The following ATP2A2 variants were observed in gnomAD, a reference collection of about 807,000 sequenced individuals.
ATP2A2 encodes sarcoplasmic/endoplasmic reticulum calcium ATPase 2.
ATP2A2 carries 14 observed loss-of-function variants against 109.3 expected under a neutral mutation model. That is an observed-to-expected ratio of 0.13 (90% confidence interval 0.08 to 0.20). The LOEUF (loss-of-function observed/expected upper bound fraction) is 0.20. Among genes scored for constraint, ATP2A2 ranks in the 10% least tolerant of loss-of-function variants. ATP2A2 has a pLI of 1.00. For synonymous variants in ATP2A2, 506 were observed against 490.9 expected (o/e 1.03, Z -0.41); for missense variants, 657 against 1,321.6 (o/e 0.50, Z 7.80).
At chr12:110,291,169 A>G (rs1024875464) in intron 3 of ATP2A2, among the ~76,000 whole-genome samples, 1 of 149,980 alleles carries the variant, frequency 6.7e-6, no homozygotes, top group African/African-American at 2.5e-5. Context: ...TGGCCTCCCA[A>G]AGTGCTGGAA....
At chr12:110,330,729 C>T (rs1878252985) in intron 8 of ATP2A2, 1 of 152,142 alleles carries the variant, frequency 6.6e-6, no homozygotes, top group Non-Finnish European at 1.5e-5. Flanking sequence ...TGAAGCTCTA[C>T]CTCACAACAG....
Position 110,347,874 on chromosome 12 carries a change from A to C in ATP2A2, c.*1404A>C. 1 of 1,001,784 alleles carries C rather than the reference A, an allele frequency of 1.0e-6. No individual in the cohort carries two copies. Among genetic ancestry groups the C allele is most frequent in the Non-Finnish European group, 1.2e-6 (1 of 839,902 alleles). 62.1% of individuals were successfully genotyped at this position (1,001,784 alleles called of 1,614,324 possible). The stretch of plus-strand genomic sequence containing the variant: ...TGAGATAACTGTATGTCACTAACTT[A>C]TAAGCCGCCTCCATGGCAGATGCTG... On this transcript the variant is annotated 3_prime_UTR_variant, in exon 20 of 20. Coordinates refer to ENST00000539276, the MANE Select transcript of ATP2A2 (RefSeq NM_170665.4).
chr12:110,334,503 A>G (rs759021079), intron 11 of ATP2A2, among the ~76,000 whole-genome samples: 67 of 151,924 alleles, frequency 4.4e-4, no homozygotes, highest in Non-Finnish European at 7.8e-4. Flanking sequence ...GGGGGAAATA[A>G]TAGTGTCTTT....
At chr12:110,313,395 C>T (rs1876313901) in intron 5 of ATP2A2, among the ~76,000 whole-genome samples, 1 of 145,188 alleles carries the variant, frequency 6.9e-6, no homozygotes, top group Admixed American at 7.3e-5. Flanking sequence ...TCACTGCAAG[C>T]TCCGCCTCCT....
chr12:110,312,133 C>T (rs1255451871), intron 5 of ATP2A2, among the ~76,000 whole-genome samples: 1 of 152,026 alleles, frequency 6.6e-6, no homozygotes, highest in Non-Finnish European at 1.5e-5. Flanking sequence ...GAGCTCAGAT[C>T]GTGCCAGTAT....
chr12:110,282,673 G>T, intron 2 of ATP2A2, 40 bp from the exon 3 acceptor site: 2 of 1,613,598 alleles, frequency 1.2e-6, no homozygotes, highest in Non-Finnish European at 1.7e-6. Context: ...TGTGCTGATG[G>T]TAAGATGACA....
intron 18 of ATP2A2, 136 bp downstream of exon 18, chr12:110,345,518 A>G (rs906226128): frequency 1.7e-5 from 23 of 1,340,606 alleles, no homozygotes; most frequent in Admixed American, 1.7e-4. Flanking sequence ...AGGCAATACC[A>G]GTTTTAAAAG....
Position 110,350,607 on chromosome 12 carries a change from A to C in ATP2A2, c.*4137A>C. The C allele has an allele frequency of 2.1e-6, 1 of 487,352 alleles. No individual in the cohort carries two copies. 30.2% of individuals were successfully genotyped at this position (487,352 alleles called of 1,614,324 possible). On this transcript the variant is annotated 3_prime_UTR_variant, in exon 20 of 20. Coordinates refer to ENST00000539276, the MANE Select transcript of ATP2A2 (RefSeq NM_170665.4). Reference sequence around the variant, plus strand: ...CTGTAACCTTATCTAAGAACTTGGAAGCCGTCAGCCAAGTCGCCACATTTC... The same window carrying C: ...CTGTAACCTTATCTAAGAACTTGGACGCCGTCAGCCAAGTCGCCACATTTC...
At chr12:110,285,769 C>T (rs898972060) in intron 3 of ATP2A2, among the ~76,000 whole-genome samples, 7 of 152,104 alleles carry the variant, frequency 4.6e-5, no homozygotes, top group East Asian at 1.9e-4. Context: ...TACCTTCCAC[C>T]GTCGTTTCCC....
chr12:110,349,634 C>A lies in ATP2A2; in HGVS notation c.*3164C>A. On this transcript the variant is annotated 3_prime_UTR_variant, in exon 20 of 20. Coordinates refer to ENST00000539276, the MANE Select transcript of ATP2A2 (RefSeq NM_170665.4). ...TCAGCCCTGACTGAGGTGGGCAGAC[C>A]TAAGACCTGAGACCACAAGATTAGC... The A allele has an allele frequency of 1.0e-6, 1 of 987,276 alleles. No individual in the cohort carries two copies. Among genetic ancestry groups the A allele is most frequent in the South Asian group, 4.7e-5 (1 of 21,418 alleles). The allele number at this position is 987,276 out of a possible 1,614,324, so 61.2% of individuals were successfully genotyped here.
Position 110,340,589 on chromosome 12 carries a change from G to T in ATP2A2, c.1762-70G>T. On this transcript the variant is annotated intron_variant, in intron 13 of 19. Transcript: ENST00000539276. This position sits in a 1 kb window ranked among gnomAD's most constrained non-coding sequence, Gnocchi z 6.0. ...AGAAACCTGTCTCAATGTTTAACTG[G>T]GCATTTTTCAAACTAGGGGACAAAA... The T allele has an allele frequency of 6.6e-7, 1 of 1,503,834 alleles. No individual in the cohort carries two copies. The highest frequency in any genetic ancestry group is 9.2e-7 in the Non-Finnish European group (1 of 1,087,148). 93.2% of individuals were successfully genotyped at this position (1,503,834 alleles called of 1,614,324 possible).
chr12:110,326,417 C>G lies in ATP2A2; in HGVS notation c.572C>G (p.Thr191Ser). Residue 191 changes from threonine (T) to serine (S), a missense_variant, in exon 7 of 20, where the codon ACT becomes AGT. Around this residue, in one of 9 missense-constraint regions of ATP2A2, gnomAD observed 136 missense variants for 343.9 expected, o/e 0.40. Transcript: ENST00000539276. ...GAATCTGTCTCTGTCATCAAGCACACTGATCCCGTCCCTGACCCACGAGCT... is the reference window on the plus strand; with the variant it reads ...GAATCTGTCTCTGTCATCAAGCACAGTGATCCCGTCCCTGACCCACGAGCT... ...TGESVSVIKH[T>S]DPVPDPRAVN... 2.5e-6 allele frequency: 4 copies of G among 1,614,116 alleles called. No individual in the cohort carries two copies. Among genetic ancestry groups the G allele is most frequent in the Non-Finnish European group, 3.4e-6 (4 of 1,180,000 alleles).
At chr12:110,345,504 G>A (rs1879761540) in intron 18 of ATP2A2, 122 bp downstream of exon 18, 1 of 1,445,936 alleles carries the variant, frequency 6.9e-7, no homozygotes, top group Non-Finnish European at 9.6e-7. Flanking sequence ...AAAGAAAGGA[G>A]AACAGGCAAT....
intron 5 of ATP2A2, among the ~76,000 whole-genome samples, chr12:110,309,401 G>A (rs962258814): frequency 6.6e-5 from 10 of 151,052 alleles, no homozygotes; most frequent in Non-Finnish European, 7.4e-5. Flanking sequence ...CAAGTGATCC[G>A]CCCGCCTCAG....
Position 110,350,009 on chromosome 12 carries a change from GCAA to G in ATP2A2, c.*3541_*3543del. 1 of 1,355,408 alleles carries G rather than the reference GCAA, an allele frequency of 7.4e-7. No individual in the cohort carries two copies. Among genetic ancestry groups the G allele is most frequent in the Non-Finnish European group, 9.5e-7 (1 of 1,051,602 alleles). 84.0% of individuals were successfully genotyped at this position (1,355,408 alleles called of 1,614,324 possible). On this transcript the variant is annotated 3_prime_UTR_variant, in exon 20 of 20. Coordinates refer to ENST00000539276, the MANE Select transcript of ATP2A2 (RefSeq NM_170665.4). ...TGCCTGTCTCGCTGCTTTCACAGCT[GCAA>G]CGATTGTGTCTGCCTCATGGGGTTT...
intron 5 of ATP2A2, among the ~76,000 whole-genome samples, chr12:110,302,605 T>TTATTATTAC (rs1555278512): frequency 2.0e-5 from 3 of 150,468 alleles, no homozygotes; most frequent in Non-Finnish European, 4.4e-5. Flanking sequence ...ATTATTATTA[T>TTATTATTAC]TATTACTATT....
intron 6 of ATP2A2, 79 bp from the exon 7 acceptor site, chr12:110,326,311 G>C: frequency 4.7e-6 from 6 of 1,282,510 alleles, no homozygotes; most frequent in Non-Finnish European, 6.7e-6. Context: ...GAGTGGTAAT[G>C]GGTGGGCATG....
At chr12:110,331,884 G>A (rs192331661) in intron 8 of ATP2A2, 2 of 152,178 alleles carry the variant, frequency 1.3e-5, no homozygotes, top group Admixed American at 1.3e-4. Flanking sequence ...TCAAGCAGTG[G>A]AAAAATTATC....
chr12:110,342,116 G>A lies in ATP2A2; in HGVS notation c.2098-112G>A. 1 of 1,210,454 alleles carries A rather than the reference G, an allele frequency of 8.3e-7. No homozygotes were observed. The highest frequency in any genetic ancestry group is 1.2e-5 in the South Asian group (1 of 81,284). 75.0% of individuals were successfully genotyped at this position (1,210,454 alleles called of 1,614,324 possible). A position where few individuals can be genotyped will look rare whatever the true frequency, so the allele number is the denominator to read the frequency against. On this transcript the variant is annotated intron_variant, in intron 14 of 19. Transcript: ENST00000539276. This position sits in a 1 kb window ranked among gnomAD's most constrained non-coding sequence, Gnocchi z 4.6. ...CAAAAATTCTAAAACTCTTTGCCAA[G>A]AGACCTACGGCTCTATTCATTTTCC...
Sources: allele counts gnomAD v4.1 joint callset (sites outside exome capture counted in the v4.1 genomes callset), GRCh38; gene constraint gnomAD v4.1.1; regional missense constraint gnomAD v4.1.1; non-coding constraint Gnocchi (gnomAD v3.1); transcripts MANE v1.5; gene names NCBI Gene and HGNC (gene_info 2026-07-23, HGNC 2026-07-21).